Variants in TNKS observed in about 807,000 individuals in gnomAD.
TNKS encodes tankyrase.
A neutral mutation model predicts 135.8 loss-of-function variants in TNKS; 72 were observed. The observed-to-expected ratio is 0.53, with a 90% CI of 0.44 to 0.64. The LOEUF is 0.64. TNKS is among the 30% of genes least tolerant of loss of function. TNKS has a pLI of 0.00. For missense variants in TNKS, 1,769 were observed against 1,674.0 expected (o/e 1.06, Z -0.99); for synonymous variants, 849 against 649.3 (o/e 1.31, Z -4.68).
intron 1 of TNKS, among the ~76,000 whole-genome samples, chr8:9,560,226 T>C (rs563724544): frequency 6.6e-6 from 1 of 152,104 alleles, no homozygotes; most frequent in Non-Finnish European, 1.5e-5. Flanking sequence ...TGAGGTCTTT[T>C]TTTTATTAAG....
intron 3 of TNKS, among the ~76,000 whole-genome samples, chr8:9,648,177 C>T (rs755219292): frequency 6.6e-6 from 1 of 152,124 alleles, no homozygotes; most frequent in Non-Finnish European, 1.5e-5. Flanking sequence ...CTATAGACTT[C>T]ATAAACACTG....
At chr8:9,662,695 T>C (rs1000497039) in intron 3 of TNKS, among the ~76,000 whole-genome samples, 4 of 152,200 alleles carry the variant, frequency 2.6e-5, no homozygotes, top group Admixed American at 2.0e-4. Context: ...TGTATACATA[T>C]GTAACAAACC....
intron 17 of TNKS, among the ~76,000 whole-genome samples, chr8:9,740,540 G>A (rs901505871): frequency 6.6e-6 from 1 of 152,086 alleles, no homozygotes; most frequent in Non-Finnish European, 1.5e-5. Context: ...TTTAAGGAAA[G>A]CAACAATCCG....
chr8:9,651,445 G>A (rs571369613), intron 3 of TNKS, among the ~76,000 whole-genome samples: 41 of 152,084 alleles, frequency 2.7e-4, no homozygotes, highest in Non-Finnish European at 5.6e-4. Context: ...AATTTATTTC[G>A]CTTGTTGCCT....
At chr8:9,703,099 A>T (rs752130633) in intron 5 of TNKS, among the ~76,000 whole-genome samples, 33 of 152,164 alleles carry the variant, frequency 2.2e-4, no homozygotes, top group Non-Finnish European at 4.1e-4. Flanking sequence ...TCCTCGGGAG[A>T]TAACGTTTCA....
At chr8:9,622,573 T>C (rs1370443502) in intron 3 of TNKS, among the ~76,000 whole-genome samples, 1 of 152,166 alleles carries the variant, frequency 6.6e-6, no homozygotes, top group Non-Finnish European at 1.5e-5. Flanking sequence ...AGTGCTCTTA[T>C]ATGTGCAGAA....
At chr8:9,707,026 C>T (rs201533983) in intron 8 of TNKS, 29 bp downstream of exon 8, 36 of 1,516,054 alleles carry the variant, frequency 2.4e-5, no homozygotes, top group South Asian at 1.9e-4. Context: ...AAATCATTAT[C>T]GCATAAATTG....
chr8:9,556,064 G>C lies in TNKS; in HGVS notation c.125G>C (p.Gly42Ala), dbSNP rs1585160304. ...PPPLSPGLAP[G>A]TTPASPTASG... is the part of the protein sequence containing the mutation. Reference sequence around the variant, plus strand: ...CCACTCAGCCCTGGCCTGGCCCCGGGGACCACCCCAGCCTCTCCCACGGCC... The same window carrying C: ...CCACTCAGCCCTGGCCTGGCCCCGGCGACCACCCCAGCCTCTCCCACGGCC... Residue 42 changes from glycine to alanine, a missense_variant, in exon 1 of 27, where the codon GGG (glycine) becomes GCG (alanine). This residue lies in a region of TNKS where 450 missense variants were observed against 304.9 expected (regional missense o/e 1.48). Transcript: ENST00000310430. 6.2e-7 allele frequency: 1 copy of C among 1,608,336 alleles called. No individual in the cohort carries two copies. Among genetic ancestry groups the C allele is most frequent in the Non-Finnish European group, 8.5e-7 (1 of 1,178,320 alleles).
chr8:9,746,643 C>T (rs928686983), intron 17 of TNKS, among the ~76,000 whole-genome samples: 1 of 152,150 alleles, frequency 6.6e-6, no homozygotes, highest in Admixed American at 6.5e-5. Flanking sequence ...TATTAATCCC[C>T]TATTCCATTT....
chr8:9,601,455 T>C (rs1799013301), intron 2 of TNKS, among the ~76,000 whole-genome samples: 1 of 152,178 alleles, frequency 6.6e-6, no homozygotes, highest in East Asian at 1.9e-4. Flanking sequence ...TGGCCAAACT[T>C]TTTAAGTCCA....
chr8:9,702,309 GCACA>G (rs750772294), intron 5 of TNKS, among the ~76,000 whole-genome samples: 32 of 150,050 alleles, frequency 2.1e-4, no homozygotes, highest in African/African-American at 5.9e-4. Flanking sequence ...GCGTGTGCGT[GCACA>G]CACACACACA....
intron 26 of TNKS, among the ~76,000 whole-genome samples, chr8:9,774,991 G>GC (rs1563229358): frequency 6.6e-6 from 1 of 152,140 alleles, no homozygotes; most frequent in African/African-American, 2.4e-5. Context: ...TTGTCTGTCC[G>GC]CATGGTAAGC....
intron 8 of TNKS, among the ~76,000 whole-genome samples, chr8:9,707,464 C>A (rs2128808251): frequency 6.6e-6 from 1 of 152,188 alleles, no homozygotes; most frequent in African/African-American, 2.4e-5. Flanking sequence ...ATTATTGAGC[C>A]CTCCCCATTT....
rs59789406 is a variant in TNKS, at chr8:9,775,459, CTATATATATATATATATATA to C, written c.3898-1165_3898-1146del. ...ACGGAAAAGAATATTATGAATGGTT[CTATATATATATATATATATA>C]TATATATATATATATATATATATAT... On this transcript the variant is annotated intron_variant, in intron 26 of 26. Transcript: ENST00000310430. Among the ~76,000 whole-genome samples, 458 of 80,626 alleles carry C rather than the reference CTATATATATATATATATATA, an allele frequency of 5.7e-3. 10 individuals are homozygous for C. The highest frequency in any genetic ancestry group is 0.016 in the African/African-American group (386 of 23,666). 52.9% of individuals were successfully genotyped at this position (80,626 alleles called of 152,430 possible).
chr8:9,635,695 C>G (rs920306516), intron 3 of TNKS, among the ~76,000 whole-genome samples: 7 of 152,136 alleles, frequency 4.6e-5, no homozygotes, highest in African/African-American at 1.4e-4. Flanking sequence ...GAGAAGGTCA[C>G]AACATTTCTT....
At chr8:9,611,226 C>G (rs551561015) in intron 2 of TNKS, among the ~76,000 whole-genome samples, 4 of 152,298 alleles carry the variant, frequency 2.6e-5, no homozygotes, top group East Asian at 1.9e-4. Flanking sequence ...CACTTACTCT[C>G]TGGAATTTGA....
At chr8:9,636,527 A>G (rs1041654338) in intron 3 of TNKS, among the ~76,000 whole-genome samples, 7 of 151,528 alleles carry the variant, frequency 4.6e-5, no homozygotes, top group Non-Finnish European at 8.8e-5. Flanking sequence ...CTTTTTTTCT[A>G]TGAATAAAGT....
chr8:9,753,613 C>A (rs1051353657), intron 20 of TNKS, among the ~76,000 whole-genome samples: 1 of 152,068 alleles, frequency 6.6e-6, no homozygotes. Context: ...GATGGTAACT[C>A]CTGAATTTAA....
At chr8:9,732,330 T>G (rs1372229477) in intron 14 of TNKS, among the ~76,000 whole-genome samples, 2 of 152,236 alleles carry the variant, frequency 1.3e-5, no homozygotes, top group Admixed American at 1.3e-4. Flanking sequence ...TAACTGATAT[T>G]AATTCCCGTG....
Sources: allele counts gnomAD v4.1 joint callset (sites outside exome capture counted in the v4.1 genomes callset), GRCh38; gene constraint gnomAD v4.1.1; regional missense constraint gnomAD v4.1.1; transcripts MANE v1.5; gene names NCBI Gene and HGNC (gene_info 2026-07-23, HGNC 2026-07-21).